Variants in TGDS observed in about 807,000 individuals in gnomAD.
The protein encoded by TGDS is TDP-glucose 4,6-dehydratase.
Under a neutral mutation model 52.3 loss-of-function variants are expected in TGDS, and 47 were observed. The ratio of observed to expected loss-of-function variants is 0.90; its 90% confidence interval spans 0.71 to 1.15. The LOEUF (loss-of-function observed/expected upper bound fraction) is 1.15, where lower values mean the gene tolerates loss of function less well. Among genes scored for constraint, TGDS ranks in the 50% most tolerant of loss-of-function variants. The probability of loss-of-function intolerance (pLI) is 0.00; values close to 1 mark genes in which losing one functional copy is unlikely to be tolerated. For missense variants in TGDS, 375 were observed against 418.4 expected, an observed-to-expected ratio of 0.90 and a Z score of 0.90; for synonymous variants, 115 against 136.9, an observed-to-expected ratio of 0.84 and a Z score of 1.12.
chr13:94,593,640 G>T (rs1889279867), intron 2 of TGDS, among the ~76,000 whole-genome samples: 1 of 151,966 alleles, frequency 6.6e-6, no homozygotes, highest in Admixed American at 6.6e-5. Context: ...TTATTTTGTG[G>T]ACCAACATAA....
At chr13:94,587,050 C>T (rs1334773342) in intron 4 of TGDS, among the ~76,000 whole-genome samples, 3 of 151,968 alleles carry the variant, frequency 2.0e-5, no homozygotes, top group East Asian at 1.9e-4. Flanking sequence ...CAGGTGTTAG[C>T]CACTGCACCC....
chr13:94,588,066 A>C (rs562562500), intron 4 of TGDS, among the ~76,000 whole-genome samples: 1 of 150,830 alleles, frequency 6.6e-6, no homozygotes, highest in African/African-American at 2.4e-5. Flanking sequence ...AGATAAATTA[A>C]CCCACATTGT....
At chr13:94,595,082 G>A (rs542494761) in intron 1 of TGDS, among the ~76,000 whole-genome samples, 98 of 152,154 alleles carry the variant, frequency 6.4e-4, no homozygotes, top group Non-Finnish European at 1.2e-3. Context: ...AGTTGGGAGA[G>A]GGGCTATTTT....
intron 1 of TGDS, among the ~76,000 whole-genome samples, chr13:94,594,136 G>C (rs576982754): frequency 8.1e-4 from 124 of 152,262 alleles, no homozygotes; most frequent in African/African-American, 2.6e-3. Flanking sequence ...CTATGCAGAA[G>C]AGAGAATGTA....
chr13:94,578,989 T>C (rs1888701528), intron 7 of TGDS, among the ~76,000 whole-genome samples: 1 of 152,202 alleles, frequency 6.6e-6, no homozygotes. Context: ...GATAAAATGA[T>C]CTAAATAGGG....
At chr13:94,591,084 A>G in intron 3 of TGDS, 141 bp from the exon 4 acceptor site, 1 of 609,820 alleles carries the variant, frequency 1.6e-6, no homozygotes, top group East Asian at 3.2e-5. Flanking sequence ...GTGCTCAAAC[A>G]AGGATACCAA....
intron 9 of TGDS, 56 bp from the exon 10 acceptor site, chr13:94,577,485 CAAT>C: frequency 7.0e-7 from 1 of 1,423,282 alleles, no homozygotes; most frequent in Non-Finnish European, 9.4e-7. Flanking sequence ...CAGAGAATAA[CAAT>C]AGTATTTAAT....
intron 5 of TGDS, among the ~76,000 whole-genome samples, chr13:94,582,065 G>T (rs1445828087): frequency 6.6e-6 from 1 of 152,098 alleles, no homozygotes; most frequent in Non-Finnish European, 1.5e-5. Context: ...GGGCATGGTG[G>T]TGCATGCCTG....
At position 94,583,111 on chromosome 13, in the gene TGDS, C is replaced by A; in HGVS notation, c.439G>T (p.Gly147Cys). ...FIYVSTDEVYGGSLDKEFDES... is the reference protein window; with the variant it reads ...FIYVSTDEVYCGSLDKEFDES... ...AAGCTCACCTTATCAAGACTGCCAC[C>A]ATATACTTCATCTGTGCTGACATAA... The change falls in exon 5 of 12, where the codon GGT becomes TGT. Residue 147 changes from glycine (G) to cysteine (C), a missense_variant. Transcript: ENST00000261296. 1 of 1,613,454 alleles carries A rather than the reference C, an allele frequency of 6.2e-7. No homozygotes were observed. Among genetic ancestry groups the A allele is most frequent in the Non-Finnish European group, 8.5e-7 (1 of 1,179,788 alleles).
chr13:94,576,274 T>A (rs1330919505), intron 11 of TGDS, 40 bp downstream of exon 11: 11 of 1,401,760 alleles, frequency 7.8e-6, no homozygotes, highest in Non-Finnish European at 1.1e-5. Context: ...TCCTTTAAAT[T>A]TTTCTGACTT....
chr13:94,581,104 CAGTA>C lies in TGDS; in HGVS notation c.538_541del (p.Tyr180GlyfsTer59), dbSNP rs774173851. The C allele has an allele frequency of 2.0e-5, 32 of 1,576,816 alleles. No homozygotes were observed. The highest frequency in any genetic ancestry group is 2.8e-5 in the Non-Finnish European group (32 of 1,158,620). ...ATCAGTTCTTACCTTATATTGTTCCCAGTAAGACTGTACAAAACATTCAGCAGCT... is the reference window on the plus strand; with the variant it reads ...ATCAGTTCTTACCTTATATTGTTCCCAGACTGTACAAAACATTCAGCAGCT... On this transcript the variant is annotated frameshift_variant, in exon 6 of 12. Coordinates refer to ENST00000261296, the MANE Select transcript of TGDS (RefSeq NM_014305.4). LOFTEE classifies it high-confidence loss of function.
At chr13:94,583,814 T>C (rs1255435168) in intron 4 of TGDS, among the ~76,000 whole-genome samples, 2 of 152,122 alleles carry the variant, frequency 1.3e-5, no homozygotes, top group East Asian at 3.8e-4. Flanking sequence ...CATGTGAAAT[T>C]ACAGAGATAA....
At chr13:94,575,673 T>A (rs1888576954) in intron 11 of TGDS, among the ~76,000 whole-genome samples, 1 of 152,000 alleles carries the variant, frequency 6.6e-6, no homozygotes, top group African/African-American at 2.4e-5. Flanking sequence ...TCTGATAGTT[T>A]TAAATTATTT....
Position 94,582,024 on chromosome 13 carries a change from A to AC in TGDS, c.457-836dup, listed in dbSNP as rs538389614. Among the ~76,000 whole-genome samples the AC allele has an allele frequency of 1.4e-4, 22 of 152,112 alleles. 2 individuals are homozygous for AC. The East Asian group carries it at 3.5e-3, about 24-fold the overall frequency. On this transcript the variant is annotated intron_variant, in intron 5 of 11. Transcript: ENST00000261296. ...AGACCAGCCTGACCAACATGGAGAAACCCCATCTCTACTAAACTACAAAAT... is the reference window on the plus strand; with the variant it reads ...AGACCAGCCTGACCAACATGGAGAAACCCCCATCTCTACTAAACTACAAAAT...
intron 4 of TGDS, among the ~76,000 whole-genome samples, chr13:94,584,918 T>C (rs1888926171): frequency 6.6e-6 from 1 of 152,022 alleles, no homozygotes; most frequent in Non-Finnish European, 1.5e-5. Context: ...TTCATAGCAA[T>C]ATTAAGAAAA....
intron 2 of TGDS, among the ~76,000 whole-genome samples, chr13:94,592,513 C>G (rs574439992): frequency 1.3e-5 from 2 of 152,086 alleles, no homozygotes; most frequent in Non-Finnish European, 2.9e-5. Context: ...AGTGCAGTGG[C>G]GCAATCTCTG....
At chr13:94,593,462 A>C (rs1282395226) in intron 2 of TGDS, among the ~76,000 whole-genome samples, 1 of 152,190 alleles carries the variant, frequency 6.6e-6, no homozygotes, top group South Asian at 2.1e-4. Context: ...CATATGCCCC[A>C]TAACAAGTAC....
rs1169271255 is a variant in TGDS, at chr13:94,576,398, T to C, written c.898A>G (p.Met300Val). The change falls in exon 11 of 12, where the codon ATG becomes GTG. Residue 300 changes from methionine (M) to valine (V), a missense_variant. By Grantham distance (21) the Met-to-Val change is conservative. Transcript: ENST00000261296. ...DYVNDRPTNDMRYPMKSEKIH... is the reference protein window; with the variant it reads ...DYVNDRPTNDVRYPMKSEKIH... ...TTTTCTGACTTCATTGGGTATCTCA[T>C]GTCATTGGTGGGTCTTGGAAAACAA... 2 of 1,594,160 alleles carry C rather than the reference T, an allele frequency of 1.3e-6. No individual in the cohort carries two copies. Among genetic ancestry groups the C allele is most frequent in the Non-Finnish European group, 8.5e-7 (1 of 1,170,246 alleles).
At chr13:94,580,756 A>G (rs74361844) in intron 6 of TGDS, among the ~76,000 whole-genome samples, 3,766 of 152,358 alleles carry the variant, frequency 0.025, 167 homozygotes, top group African/African-American at 0.085. Flanking sequence ...GGTCGGCCCT[A>G]ATTTGTCCAC....
Sources: allele counts gnomAD v4.1 joint callset (sites outside exome capture counted in the v4.1 genomes callset), GRCh38; gene constraint gnomAD v4.1.1; transcripts MANE v1.5; gene names NCBI Gene and HGNC (gene_info 2026-07-23, HGNC 2026-07-21).